The following PCDH7 variants were observed in gnomAD, a reference collection of about 807,000 sequenced individuals.
PCDH7 encodes the protein protocadherin 7, also known as protocadherin-7.
Under a neutral mutation model 58.9 loss-of-function variants are expected in PCDH7, and 17 were observed. The ratio of observed to expected loss-of-function variants is 0.29; its 90% CI spans 0.20 to 0.43. The LOEUF (loss-of-function observed/expected upper bound fraction) is 0.43. Among genes scored for constraint, PCDH7 ranks in the 20% least tolerant of loss-of-function variants. The pLI, the probability that PCDH7 is intolerant of heterozygous loss-of-function variation, is 1.00. For missense variants in PCDH7, 1,274 were observed against 1,441.0 expected (o/e 0.88, Z 1.88); for synonymous variants, 664 against 616.4 (o/e 1.08, Z -1.14).
chr4:30,797,624 ATGTG>A (rs1176418047), intron 1 of PCDH7, among the ~76,000 whole-genome samples: 1 of 152,166 alleles, frequency 6.6e-6, no homozygotes, highest in Non-Finnish European at 1.5e-5. Context: ...GTGCATATGT[ATGTG>A]TATTTCTTTA....
intron 1 of PCDH7, among the ~76,000 whole-genome samples, chr4:30,852,147 T>G (rs1190688173): frequency 6.6e-6 from 1 of 152,134 alleles, no homozygotes; most frequent in Admixed American, 6.6e-5. Flanking sequence ...TATTTATGTC[T>G]AGCAATCTGA....
chr4:30,933,425 C>T (rs1578337755), intron 2 of PCDH7, among the ~76,000 whole-genome samples: 1 of 152,124 alleles, frequency 6.6e-6, no homozygotes, highest in East Asian at 1.9e-4. Flanking sequence ...TCCCTAGATT[C>T]AGTGCTTCTT....
chr4:31,069,921 C>G lies in PCDH7; in HGVS notation c.*8-72552C>G, dbSNP rs186412422. Reference sequence around the variant, plus strand: ...CAACAGATCAGCTCTAAGTTGAATTCCTGAAGTTTGACCCTTTTAAAAGCT... The same window carrying G: ...CAACAGATCAGCTCTAAGTTGAATTGCTGAAGTTTGACCCTTTTAAAAGCT... On this transcript the variant is annotated intron_variant, in intron 3 of 3. Coordinates refer to the PCDH7 transcript ENST00000509759. Among the ~76,000 whole-genome samples the G allele has an allele frequency of 2.0e-4, 30 of 151,976 alleles. No individual in the cohort carries two copies. The East Asian group carries it at 5.2e-3, about 27-fold the overall frequency.
chr4:30,934,872 T>C (rs547446285), intron 2 of PCDH7, among the ~76,000 whole-genome samples: 1 of 152,268 alleles, frequency 6.6e-6, no homozygotes, highest in East Asian at 1.9e-4. Context: ...TCAAGCTCCA[T>C]CACATTTCCA....
intron 1 of PCDH7, among the ~76,000 whole-genome samples, chr4:30,756,655 G>A (rs904063416): frequency 2.0e-5 from 3 of 152,006 alleles, no homozygotes; most frequent in South Asian, 4.2e-4. Context: ...TGTATGTTAC[G>A]CCACTACCTA....
rs867005210 is a variant in PCDH7, at chr4:30,849,439, C to G, written c.71-70714C>G. Reference sequence around the variant, plus strand: ...ATTTCGTGTTACTTTCAGTCTTCTTCCCTCCGATTTACCACTGTATCACAG... The same window carrying G: ...ATTTCGTGTTACTTTCAGTCTTCTTGCCTCCGATTTACCACTGTATCACAG... On this transcript the variant is annotated intron_variant, in intron 1 of 3. Coordinates refer to the PCDH7 transcript ENST00000509759. Among the ~76,000 whole-genome samples the G allele has an allele frequency of 9.9e-5, 15 of 152,222 alleles. No homozygotes were observed. In the South Asian group the frequency reaches 3.1e-3, roughly 32 times the overall value.
At chr4:30,983,148 G>C (rs1375986072) in intron 3 of PCDH7, among the ~76,000 whole-genome samples, 4 of 152,156 alleles carry the variant, frequency 2.6e-5, no homozygotes, top group Non-Finnish European at 5.9e-5. Flanking sequence ...CTAAGACCAT[G>C]TTGGAGTTAC....
chr4:30,889,621 GA>G (rs1727654085), intron 1 of PCDH7, among the ~76,000 whole-genome samples: 1 of 152,112 alleles, frequency 6.6e-6, no homozygotes. Flanking sequence ...CTAGAGGCTG[GA>G]AAATTCAAGA....
At chr4:31,002,911 T>A (rs1246753730) in intron 3 of PCDH7, among the ~76,000 whole-genome samples, 2 of 152,342 alleles carry the variant, frequency 1.3e-5, no homozygotes, top group East Asian at 3.9e-4. Context: ...GCGTCTCTCC[T>A]TTAGGTCAGA....
intron 2 of PCDH7, among the ~76,000 whole-genome samples, chr4:30,949,836 C>G (rs1747161906): frequency 6.6e-6 from 1 of 151,926 alleles, no homozygotes; most frequent in African/African-American, 2.4e-5. Flanking sequence ...ATGTGAAGGT[C>G]CTGCCTAGTT....
chr4:30,820,531 A>G (rs1728248436), intron 1 of PCDH7, among the ~76,000 whole-genome samples: 1 of 152,162 alleles, frequency 6.6e-6, no homozygotes, highest in African/African-American at 2.4e-5. Context: ...AAATGGATTT[A>G]AAAATAGTAA....
chr4:31,081,971 C>T (rs1347193944), intron 3 of PCDH7, among the ~76,000 whole-genome samples: 2 of 152,088 alleles, frequency 1.3e-5, no homozygotes, highest in East Asian at 3.9e-4. Flanking sequence ...CAGGGTTTCA[C>T]CATGTTGGCC....
chr4:30,949,106 CAT>C (rs1483351954), intron 2 of PCDH7, among the ~76,000 whole-genome samples: 1 of 152,082 alleles, frequency 6.6e-6, no homozygotes, highest in African/African-American at 2.4e-5. Context: ...CACTAAGAAA[CAT>C]ATTTGTGTAT....
intron 1 of PCDH7, chr4:30,725,029 G>A: frequency 9.9e-7 from 1 of 1,006,476 alleles, no homozygotes; most frequent in Non-Finnish European, 1.2e-6. Flanking sequence ...ATGCAAATTG[G>A]ATTCCATAGA....
intron 3 of PCDH7, among the ~76,000 whole-genome samples, chr4:31,060,553 A>G (rs922681643): frequency 2.6e-5 from 4 of 151,714 alleles, no homozygotes; most frequent in African/African-American, 9.7e-5. Flanking sequence ...TTTGCCATCA[A>G]CTTAGGTTAC....
chr4:30,912,477 T>C (rs986801443), intron 1 of PCDH7, among the ~76,000 whole-genome samples: 3 of 152,174 alleles, frequency 2.0e-5, no homozygotes, highest in Non-Finnish European at 4.4e-5. Flanking sequence ...GTCATTAGAA[T>C]TCTGTTTGAT....
At chr4:30,771,739 T>TA (rs1721429378) in intron 1 of PCDH7, among the ~76,000 whole-genome samples, 1 of 152,174 alleles carries the variant, frequency 6.6e-6, no homozygotes, top group Non-Finnish European at 1.5e-5. Flanking sequence ...AATAGGAAAT[T>TA]ATCCTCGGTT....
chr4:31,128,594 G>A (rs1027860537), intron 3 of PCDH7, among the ~76,000 whole-genome samples: 3 of 152,062 alleles, frequency 2.0e-5, no homozygotes, highest in African/African-American at 4.8e-5. Context: ...ACTAGAAGTC[G>A]TGACAACGCT....
intron 3 of PCDH7, among the ~76,000 whole-genome samples, chr4:31,054,367 A>T (rs1392875850): frequency 6.6e-6 from 1 of 152,196 alleles, no homozygotes; most frequent in African/African-American, 2.4e-5. Flanking sequence ...GAGGGCTGAA[A>T]ATTATTAACA....
Sources: gnomAD v4.1 joint callset for allele counts (sites outside exome capture counted in the v4.1 genomes callset) on GRCh38, gnomAD v4.1.1 for gene constraint, MANE v1.5 for transcripts, NCBI Gene and HGNC (gene_info 2026-07-23, HGNC 2026-07-21) for gene names.